The following SMOC2 variants were observed in gnomAD, a reference collection of about 807,000 sequenced individuals.
SMOC2 encodes SPARC related modular calcium binding 2.
In SMOC2, 39 loss-of-function variants were observed where a neutral mutation model predicts 61.4. The ratio of observed to expected loss-of-function variants is 0.64; its 90% CI spans 0.49 to 0.83. The LOEUF is 0.83. SMOC2 is among the 40% of genes least tolerant of loss of function. SMOC2 has a pLI of 0.00. For synonymous variants in SMOC2, 247 were observed against 239.9 expected, an observed-to-expected ratio of 1.03 and a Z score of -0.27; for missense variants, 556 against 592.9, an observed-to-expected ratio of 0.94 and a Z score of 0.65.
chr6:168,601,349 C>T (rs1385268937), intron 8 of SMOC2, among the ~76,000 whole-genome samples: 1 of 152,220 alleles, frequency 6.6e-6, no homozygotes, highest in Non-Finnish European at 1.5e-5. Context: ...CTGCTCTCGA[C>T]ACCCCACTCA....
In SMOC2 at chr6:168,457,700, C is replaced by T. The variant is rs530927661; in HGVS notation, c.84+16246C>T. ...CCACGCCCACGAGTACATGTGGTGC[C>T]GCCTCCTCTCTGGGGCTGGTCCTAA... is the stretch of plus-strand genomic sequence containing the variant. On this transcript the variant is annotated intron_variant, in intron 1 of 12. Coordinates refer to ENST00000356284, the MANE Select transcript of SMOC2 (RefSeq NM_001166412.2). Among the ~76,000 whole-genome samples the T allele has an allele frequency of 1.3e-3, 202 of 152,234 alleles. 1 individual carries two copies. The highest frequency in any genetic ancestry group is 4.2e-3 in the African/African-American group (175 of 41,536).
rs1783712802 is a variant in SMOC2, at chr6:168,535,626, C to T, written c.463+7899C>T. On this transcript the variant is annotated intron_variant, in intron 4 of 12. Transcript: ENST00000356284. This position sits in a 1 kb window ranked among gnomAD's most constrained non-coding sequence, Gnocchi z 4.6. Reference sequence around the variant, plus strand: ...GCATAAAAGCCGGTGCCACAAAGTCCACCGAAACCCTCCTCCAAGTCCATA... The same window carrying T: ...GCATAAAAGCCGGTGCCACAAAGTCTACCGAAACCCTCCTCCAAGTCCATA... Among the ~76,000 whole-genome samples, 1 of 152,184 alleles carries T rather than the reference C, an allele frequency of 6.6e-6. No homozygotes were observed. Among genetic ancestry groups the T allele is most frequent in the Admixed American group, 6.5e-5 (1 of 15,278 alleles).
At chr6:168,618,409 C>CG (rs1786153020) in intron 9 of SMOC2, among the ~76,000 whole-genome samples, 1 of 92,330 alleles carries the variant, frequency 1.1e-5, no homozygotes, top group African/African-American at 4.4e-5. Context: ...GGAGGAAAGG[C>CG]GGGTAGTGGC....
At chr6:168,529,773 A>C (rs2115079457) in intron 4 of SMOC2, among the ~76,000 whole-genome samples, 1 of 152,352 alleles carries the variant, frequency 6.6e-6, no homozygotes, top group Admixed American at 6.5e-5. Context: ...CCTGAAAGTT[A>C]TATAATGCAG....
rs35958554 is a variant in SMOC2 at position 168,589,076 on chromosome 6, CAA to C, written c.638-9723_638-9722del. On this transcript the variant is annotated intron_variant, in intron 7 of 12. Coordinates refer to ENST00000356284, the MANE Select transcript of SMOC2 (RefSeq NM_001166412.2). The stretch of plus-strand genomic sequence containing the variant: ...TGCATGACAGAGGGAGAATTCGTCT[CAA>C]AAAAAAAAAAAAAAAAAAGGAGTAA... Among the ~76,000 whole-genome samples, 251 of 89,872 alleles carry C rather than the reference CAA, an allele frequency of 2.8e-3. 1 individual carries two copies. Among genetic ancestry groups the C allele is most frequent in the East Asian group, 0.025 (80 of 3,194 alleles). 59.0% of individuals were successfully genotyped at this position (89,872 alleles called of 152,430 possible). A position where few individuals can be genotyped will look rare whatever the true frequency, so the allele number is the denominator to read the frequency against.
intron 9 of SMOC2, among the ~76,000 whole-genome samples, chr6:168,613,848 GCA>G (rs1785964920): frequency 8.3e-6 from 1 of 120,364 alleles, no homozygotes; most frequent in Admixed American, 8.0e-5. Flanking sequence ...CCTACAGCCA[GCA>G]CAGGGGGCCT....
intron 7 of SMOC2, among the ~76,000 whole-genome samples, chr6:168,569,414 G>C (rs114272012): frequency 0.018 from 2,752 of 151,950 alleles, 64 homozygotes; most frequent in South Asian, 0.068. Context: ...GTTCTTTGTA[G>C]ATATATTTTG....
chr6:168,519,117 A>G (rs1458960280), intron 2 of SMOC2, among the ~76,000 whole-genome samples: 3 of 87,082 alleles, frequency 3.4e-5, no homozygotes, highest in Non-Finnish European at 6.5e-5. Context: ...ACGCGTGTGT[A>G]TGCATGCATG....
chr6:168,640,865 T>C (rs973662836), intron 9 of SMOC2, among the ~76,000 whole-genome samples: 31 of 152,206 alleles, frequency 2.0e-4, no homozygotes, highest in African/African-American at 7.5e-4. Flanking sequence ...ACAAAAACGC[T>C]AGCCTGAGCC....
At chr6:168,529,618 A>G (rs1011911390) in intron 4 of SMOC2, among the ~76,000 whole-genome samples, 1 of 152,192 alleles carries the variant, frequency 6.6e-6, no homozygotes, top group African/African-American at 2.4e-5. Flanking sequence ...TGCCAGGGTC[A>G]CTTTGGAAAC....
chr6:168,599,581 A>ACACACACCCACATACACC (rs1554247836), intron 8 of SMOC2, among the ~76,000 whole-genome samples: 1 of 31,626 alleles, frequency 3.2e-5, no homozygotes, highest in Non-Finnish European at 4.9e-5. Context: ...CACTCATACC[A>ACACACACCCACATACACC]CACACACCCA....
At chr6:168,457,662 A>G (rs1399657078) in intron 1 of SMOC2, among the ~76,000 whole-genome samples, 1 of 145,680 alleles carries the variant, frequency 6.9e-6, no homozygotes, top group East Asian at 2.2e-4. Flanking sequence ...GCCCCGGCCC[A>G]GACCCACCCT....
At chr6:168,458,112 A>G (rs1166452995) in intron 1 of SMOC2, among the ~76,000 whole-genome samples, 1 of 152,210 alleles carries the variant, frequency 6.6e-6, no homozygotes, top group Non-Finnish European at 1.5e-5. Flanking sequence ...ATAATCCTGC[A>G]GTGTGACCCA....
chr6:168,591,439 T>C (rs1376650577), intron 7 of SMOC2, among the ~76,000 whole-genome samples: 1 of 152,212 alleles, frequency 6.6e-6, no homozygotes, highest in African/African-American at 2.4e-5. Context: ...CATTTCCTTA[T>C]GGGTTCTGAG....
At chr6:168,458,380 G>A (rs1781640114) in intron 1 of SMOC2, among the ~76,000 whole-genome samples, 1 of 150,600 alleles carries the variant, frequency 6.6e-6, no homozygotes, top group Non-Finnish European at 1.5e-5. Context: ...CCCCTCTGGG[G>A]GCATCATGCT....
chr6:168,455,906 C>T (rs968757768), intron 1 of SMOC2, among the ~76,000 whole-genome samples: 6 of 152,256 alleles, frequency 3.9e-5, no homozygotes, highest in African/African-American at 1.4e-4. Flanking sequence ...TGACCCGCTC[C>T]GTGAATCCAT....
At chr6:168,451,723 T>TA (rs1467596247) in intron 1 of SMOC2, among the ~76,000 whole-genome samples, 2 of 152,322 alleles carry the variant, frequency 1.3e-5, no homozygotes, top group South Asian at 2.1e-4. Context: ...ACACGTCCGT[T>TA]AAGTTCTTTC....
intron 2 of SMOC2, among the ~76,000 whole-genome samples, chr6:168,523,565 T>TA (rs1783383923): frequency 7.4e-6 from 1 of 135,364 alleles, no homozygotes; most frequent in East Asian, 2.3e-4. Context: ...TTTTTTTTTT[T>TA]ATTATTTTTA....
chr6:168,560,622 GCATTCT>G (rs1562348529), intron 7 of SMOC2, among the ~76,000 whole-genome samples: 9 of 2,022 alleles, frequency 4.5e-3, no homozygotes, highest in East Asian at 0.028. Context: ...GGCTCTCACT[GCATTCT>G]TGGAGGAGGT....
Sources: gnomAD v4.1 joint callset for allele counts (sites outside exome capture counted in the v4.1 genomes callset) on GRCh38, gnomAD v4.1.1 for gene constraint, Gnocchi (gnomAD v3.1) non-coding constraint, MANE v1.5 for transcripts, NCBI Gene and HGNC (gene_info 2026-07-23, HGNC 2026-07-21) for gene names.